OR56A3: variants seen among roughly 807,000 people sequenced by gnomAD.
The protein encoded by OR56A3 is olfactory receptor family 56 subfamily A member 3.
In OR56A3, 23 loss-of-function variants were observed where a neutral mutation model predicts 17.5. That is an observed-to-expected ratio of 1.32 (90% CI 0.95 to 1.87). The LOEUF is 1.87. OR56A3 is among the 40% of genes most tolerant of loss of function. The probability of loss-of-function intolerance (pLI) is 0.00; values close to 1 mark genes in which losing one functional copy is unlikely to be tolerated. For synonymous variants in OR56A3, 175 were observed against 150.6 expected, an observed-to-expected ratio of 1.16 and a Z score of -1.19; for missense variants, 366 against 380.1, an observed-to-expected ratio of 0.96 and a Z score of 0.31.
the OR56A3 span, among the ~76,000 whole-genome samples, chr11:6,013,292 G>T: frequency 6.6e-6 from 1 of 152,198 alleles, no homozygotes; most frequent in African/African-American, 2.4e-5. Context: ...GGAGGCAGGG[G>T]TGACATCTCC....
At chr11:5,982,952 G>A in the OR56A3 span, among the ~76,000 whole-genome samples, 87 of 152,068 alleles carry the variant, frequency 5.7e-4, no homozygotes, top group Admixed American at 3.8e-3. Flanking sequence ...TCAGCCCAGC[G>A]TCTGTGTCCT....
At chr11:5,942,856 A>C (rs1366390702) in intron 1 of OR56A3, among the ~76,000 whole-genome samples, 2 of 152,222 alleles carry the variant, frequency 1.3e-5, no homozygotes, top group African/African-American at 4.8e-5. Flanking sequence ...CCAAGATAGA[A>C]CCCTAGCAAC....
the OR56A3 span, chr11:6,000,808 G>T: frequency 6.6e-6 from 1 of 152,104 alleles, no homozygotes; most frequent in Non-Finnish European, 1.5e-5. Context: ...AAGATAAGTC[G>T]AAAGTATGTT....
At position 5,947,453 on chromosome 11, in the gene OR56A3, G is replaced by C; in HGVS notation, c.107G>C (p.Ser36Thr). The C allele has an allele frequency of 6.2e-7, 1 of 1,614,204 alleles. No homozygotes were observed. Reference sequence around the variant, plus strand: ...CAGCACTGGCTGTCCCTGCCCCTCAGCCTCCTTTTCCTCTTGGCCGTAGGG... The same window carrying C: ...CAGCACTGGCTGTCCCTGCCCCTCACCCTCCTTTTCCTCTTGGCCGTAGGG... ...SWQHWLSLPL[S>T]LLFLLAVGAN... The change falls in exon 3 of 3, where the codon AGC becomes ACC. Residue 36 changes from serine to threonine, a missense_variant. By Grantham distance (58) the Ser-to-Thr change is moderately conservative. Coordinates refer to ENST00000641160, the MANE Select transcript of OR56A3 (RefSeq NM_001003443.3).
chr11:5,946,379 T>A (rs1017400390), intron 2 of OR56A3, among the ~76,000 whole-genome samples: 24 of 152,190 alleles, frequency 1.6e-4, no homozygotes, highest in African/African-American at 5.8e-4. Flanking sequence ...TGCTGGTACC[T>A]AACAGAATGC....
the OR56A3 span, among the ~76,000 whole-genome samples, chr11:6,004,522 A>C: frequency 0.063 from 9,606 of 152,272 alleles, 966 homozygotes; most frequent in African/African-American, 0.21. Context: ...GTAAGTATTT[A>C]TTTAATCCAA....
At chr11:5,967,404 G>A in the OR56A3 span, 1 of 612,516 alleles carries the variant, frequency 1.6e-6, no homozygotes, top group Non-Finnish European at 2.8e-6. Flanking sequence ...GATCCAACGA[G>A]TAGATATCCC....
chr11:6,010,914 CTG>C, the OR56A3 span, among the ~76,000 whole-genome samples: 25 of 151,890 alleles, frequency 1.6e-4, no homozygotes, highest in African/African-American at 5.8e-4. Context: ...ATCCCTGGTA[CTG>C]TGAGTATCTG....
the OR56A3 span, among the ~76,000 whole-genome samples, chr11:6,008,034 C>A: frequency 6.6e-6 from 1 of 152,174 alleles, no homozygotes; most frequent in Non-Finnish European, 1.5e-5. Flanking sequence ...TAGAGCAATG[C>A]CTGGCATTGC....
At chr11:5,987,128 A>G in the OR56A3 span, 3 of 608,028 alleles carry the variant, frequency 4.9e-6, no homozygotes, top group African/African-American at 5.6e-5. Context: ...TTGTTTAGAG[A>G]TAAGAGTAAA....
At chr11:6,005,536 T>C in the OR56A3 span, among the ~76,000 whole-genome samples, 1 of 152,152 alleles carries the variant, frequency 6.6e-6, no homozygotes, top group African/African-American at 2.4e-5. Context: ...ACAGAATATT[T>C]GAAAAGGAAC....
At chr11:6,005,696 G>GC in the OR56A3 span, among the ~76,000 whole-genome samples, 5 of 152,166 alleles carry the variant, frequency 3.3e-5, no homozygotes, top group Non-Finnish European at 7.3e-5. Flanking sequence ...TCCTTGTCTG[G>GC]CTAGAGCTCA....
the OR56A3 span, among the ~76,000 whole-genome samples, chr11:6,004,894 G>C: frequency 6.6e-5 from 10 of 152,262 alleles, no homozygotes; most frequent in African/African-American, 2.2e-4. Flanking sequence ...GCATAATTAA[G>C]CAAAAACCAT....
chr11:6,020,767 C>T, the OR56A3 span: 2 of 152,008 alleles, frequency 1.3e-5, no homozygotes, highest in Non-Finnish European at 1.5e-5. Flanking sequence ...GACAGTTTGA[C>T]TTCATGTCTT....
the OR56A3 span, among the ~76,000 whole-genome samples, chr11:5,987,919 A>G: frequency 1.3e-5 from 2 of 152,176 alleles, no homozygotes; most frequent in African/African-American, 4.8e-5. Context: ...AGATCTCATC[A>G]TATCACTCCT....
downstream of OR56A3, among the ~76,000 whole-genome samples, chr11:5,955,951 A>G (rs1387280239): frequency 6.6e-6 from 1 of 152,182 alleles, no homozygotes; most frequent in African/African-American, 2.4e-5. Flanking sequence ...GTTTACCCCA[A>G]AATAACTTTG....
At chr11:5,994,108 G>A in the OR56A3 span, 4 of 491,642 alleles carry the variant, frequency 8.1e-6, no homozygotes, top group East Asian at 1.1e-4. Context: ...CTGCCTGTCT[G>A]CTTAGGTCTC....
the OR56A3 span, chr11:6,020,227 G>A: frequency 6.6e-6 from 1 of 152,030 alleles, no homozygotes; most frequent in South Asian, 2.1e-4. Flanking sequence ...AGAATGTCAA[G>A]GCAGATTTCA....
In OR56A3 at chr11:5,947,575, C is replaced by A; in HGVS notation, c.229C>A (p.Leu77Ile). The A allele has an allele frequency of 6.2e-7, 1 of 1,614,212 alleles. No homozygotes were observed. The highest frequency in any genetic ancestry group is 1.1e-5 in the South Asian group (1 of 91,088). Reference sequence around the variant, plus strand: ...CCTCCTCTCCCTGCTGGACATCGTGCTCTGCCTCACTGTCATCCCCAAGGT... The same window carrying A: ...CCTCCTCTCCCTGCTGGACATCGTGATCTGCCTCACTGTCATCCCCAAGGT... ...LSLLSLLDIV[L>I]CLTVIPKVLT... The change falls in exon 3 of 3, where the codon CTC (leucine) becomes ATC (isoleucine). Residue 77 changes from leucine to isoleucine, a missense_variant. Leu to Ile is a conservative substitution (Grantham distance 5). Coordinates refer to ENST00000641160, the MANE Select transcript of OR56A3 (RefSeq NM_001003443.3).
Sources: allele counts gnomAD v4.1 joint callset (sites outside exome capture counted in the v4.1 genomes callset), GRCh38; gene constraint gnomAD v4.1.1; transcripts MANE v1.5; gene names NCBI Gene and HGNC (gene_info 2026-07-23, HGNC 2026-07-21).